Variants in CD1B observed in about 807,000 individuals in gnomAD.
CD1B encodes the protein CD1b molecule, also known as T-cell surface glycoprotein CD1b.
CD1B carries 43 observed loss-of-function variants against 39.8 expected under a neutral mutation model. That is an observed-to-expected ratio of 1.08 (90% CI 0.85 to 1.39). CD1B has a LOEUF of 1.39. CD1B is among the 40% of genes most tolerant of loss of function. CD1B has a pLI of 0.00. For missense variants in CD1B, 495 were observed against 403.8 expected, an observed-to-expected ratio of 1.23 and a Z score of -1.94; for synonymous variants, 192 against 152.5, an observed-to-expected ratio of 1.26 and a Z score of -1.91.
chr1:158,308,019 G>T, the CD1B span, among the ~76,000 whole-genome samples: 1 of 151,930 alleles, frequency 6.6e-6, no homozygotes, highest in African/African-American at 2.4e-5. Flanking sequence ...AAAGGGTATT[G>T]AATTAGGAAA....
the CD1B span, among the ~76,000 whole-genome samples, chr1:158,305,864 T>C: frequency 6.6e-6 from 1 of 152,178 alleles, no homozygotes; most frequent in Non-Finnish European, 1.5e-5. Flanking sequence ...TAAAATAGTT[T>C]ACAGACAAGC....
chr1:158,316,746 G>T, the CD1B span, among the ~76,000 whole-genome samples: 1 of 151,580 alleles, frequency 6.6e-6, no homozygotes, highest in Non-Finnish European at 1.5e-5. Context: ...AGTTTTCAAA[G>T]TGAATACTTC....
chr1:158,293,374 T>C, the CD1B span: 2 of 1,593,998 alleles, frequency 1.3e-6, no homozygotes, highest in Non-Finnish European at 1.7e-6. Flanking sequence ...CTCTTAGCTT[T>C]TCTCTATTGA....
chr1:158,308,123 C>A, the CD1B span, among the ~76,000 whole-genome samples: 2 of 152,182 alleles, frequency 1.3e-5, no homozygotes, highest in African/African-American at 4.8e-5. Context: ...AGCTGATAGG[C>A]AACTTCAGCA....
At chr1:158,294,428 T>G in the CD1B span, among the ~76,000 whole-genome samples, 1 of 152,230 alleles carries the variant, frequency 6.6e-6, no homozygotes, top group Non-Finnish European at 1.5e-5. Flanking sequence ...GTGTCCACTC[T>G]CCTGAAGTTG....
At position 158,330,947 on chromosome 1, in the gene CD1B, A is replaced by G; in HGVS notation, c.177T>C (p.Asp59=). 2.5e-6 allele frequency: 4 copies of G among 1,614,144 alleles called. No individual in the cohort carries two copies. Among genetic ancestry groups the G allele is most frequent in the Non-Finnish European group, 3.4e-6 (4 of 1,180,014 alleles). The part of the protein sequence containing the change: ...WLDDLQIHGW[D]SDSGTAIFLK... ...GGAATATGGCAGTGCCTGAGTCGCTATCCCAGCCATGAATCTGCAAATCAT... is the reference window on the plus strand; with the variant it reads ...GGAATATGGCAGTGCCTGAGTCGCTGTCCCAGCCATGAATCTGCAAATCAT... Residue 59 remains aspartate (D), a synonymous_variant, in exon 2 of 6, where the codon GAT becomes GAC. Coordinates refer to ENST00000368168, the MANE Select transcript of CD1B (RefSeq NM_001764.3).
At chr1:158,324,969 A>G (rs1378630005), downstream of CD1B, among the ~76,000 whole-genome samples, 1 of 152,176 alleles carries the variant, frequency 6.6e-6, no homozygotes, top group Non-Finnish European at 1.5e-5. Flanking sequence ...ATAAGCTGAA[A>G]TTCATGAGTA....
At chr1:158,322,383 C>A in the CD1B span, among the ~76,000 whole-genome samples, 1 of 151,682 alleles carries the variant, frequency 6.6e-6, no homozygotes, top group African/African-American at 2.4e-5. Context: ...ACTACAGACA[C>A]AAGCCACCAT....
the CD1B span, among the ~76,000 whole-genome samples, chr1:158,308,967 C>T: frequency 2.0e-5 from 3 of 152,040 alleles, no homozygotes; most frequent in African/African-American, 7.2e-5. Flanking sequence ...CAACAAAAGC[C>T]AAAATTGACA....
At chr1:158,292,787 C>T in the CD1B span, 3 of 1,614,158 alleles carry the variant, frequency 1.9e-6, no homozygotes, top group South Asian at 2.2e-5. Context: ...TCAGGTGATC[C>T]TGGAGGTGGC....
chr1:158,315,265 T>C, the CD1B span, among the ~76,000 whole-genome samples: 3 of 152,186 alleles, frequency 2.0e-5, no homozygotes, highest in African/African-American at 7.2e-5. Flanking sequence ...TAGTTTACAG[T>C]CCCATCAACA....
In CD1B at chr1:158,329,480, C is replaced by G; in HGVS notation, c.776G>C (p.Trp259Ser). 6.2e-7 allele frequency: 1 copy of G among 1,614,180 alleles called. No individual in the cohort carries two copies. Among genetic ancestry groups the G allele is most frequent in the Non-Finnish European group, 8.5e-7 (1 of 1,180,036 alleles). ...QLGDILPNAN[W>S]TWYLRATLDV... ...CAGGGTTGCTCGGAGATACCATGTC[C>G]AGTTAGCATTGGGCAGGATGTCCCC... Residue 259 changes from tryptophan to serine, a missense_variant, in exon 4 of 6, where the codon TGG (tryptophan) becomes TCG (serine). Transcript: ENST00000368168.
chr1:158,315,394 T>G, the CD1B span, among the ~76,000 whole-genome samples: 1 of 151,934 alleles, frequency 6.6e-6, no homozygotes, highest in Non-Finnish European at 1.5e-5. Context: ...GATTTGCATT[T>G]CTCTGATGGC....
At chr1:158,315,264 G>C in the CD1B span, among the ~76,000 whole-genome samples, 1 of 152,146 alleles carries the variant, frequency 6.6e-6, no homozygotes, top group Non-Finnish European at 1.5e-5. Flanking sequence ...CTAGTTTACA[G>C]TCCCATCAAC....
chr1:158,311,798 T>C, the CD1B span, among the ~76,000 whole-genome samples: 3 of 152,104 alleles, frequency 2.0e-5, no homozygotes, highest in African/African-American at 4.8e-5. Flanking sequence ...TAAAAATAGG[T>C]TGGCTGTAAA....
At chr1:158,289,485 A>G in the CD1B span, among the ~76,000 whole-genome samples, 1 of 152,224 alleles carries the variant, frequency 6.6e-6, no homozygotes, top group Non-Finnish European at 1.5e-5. Flanking sequence ...CAACGTCTCC[A>G]ATTTATAAAA....
In CD1B at chr1:158,329,289, C is replaced by T. The variant is rs1440397907; in HGVS notation, c.886+81G>A. ...ATCTCTCCCTCTTTCATCTCTCAAGCTCTATCCTTCCCCAGTGCCTCCCTC... is the reference window on the plus strand; with the variant it reads ...ATCTCTCCCTCTTTCATCTCTCAAGTTCTATCCTTCCCCAGTGCCTCCCTC... On this transcript the variant is annotated intron_variant, in intron 4 of 5. Transcript: ENST00000368168. 3 of 1,509,656 alleles carry T rather than the reference C, an allele frequency of 2.0e-6. No homozygotes were observed. The East Asian group carries it at 6.8e-5, about 34-fold the overall frequency. 93.5% of individuals were successfully genotyped at this position (1,509,656 alleles called of 1,614,324 possible). A position where few individuals can be genotyped will look rare whatever the true frequency, so the allele number is the denominator to read the frequency against.
At chr1:158,285,845 A>G in the CD1B span, among the ~76,000 whole-genome samples, 1 of 152,084 alleles carries the variant, frequency 6.6e-6, no homozygotes, top group African/African-American at 2.4e-5. Flanking sequence ...GAAGGAGTGA[A>G]TCACTTCAAT....
chr1:158,325,608 A>G (rs1489345748), downstream of CD1B, among the ~76,000 whole-genome samples: 29 of 152,016 alleles, frequency 1.9e-4, no homozygotes, highest in Admixed American at 1.9e-3. Flanking sequence ...CTTCTAAGAT[A>G]TATCTAGCTA....
Sources: allele counts gnomAD v4.1 joint callset (sites outside exome capture counted in the v4.1 genomes callset), GRCh38; gene constraint gnomAD v4.1.1; transcripts MANE v1.5; gene names NCBI Gene and HGNC (gene_info 2026-07-23, HGNC 2026-07-21).